Variants in PSD3 observed in about 807,000 individuals in gnomAD.
PSD3 encodes the protein pleckstrin and Sec7 domain containing 3.
PSD3 carries 49 observed loss-of-function variants against 105.5 expected under a neutral mutation model. The observed-to-expected ratio is 0.46, with a 90% CI of 0.37 to 0.59. The LOEUF is 0.59. Ranked by LOEUF, PSD3 falls within the 20% of genes least tolerant of loss-of-function variation. PSD3 has a pLI of 0.00. For synonymous variants in PSD3, 557 were observed against 457.8 expected (o/e 1.22, Z -2.77); for missense variants, 1,561 against 1,263.8 (o/e 1.24, Z -3.57).
intron 4 of PSD3, among the ~76,000 whole-genome samples, chr8:18,845,255 T>C (rs1164789387): frequency 6.6e-6 from 1 of 152,160 alleles, no homozygotes; most frequent in Non-Finnish European, 1.5e-5. Context: ...TGATCATAGA[T>C]ATGACTTTGA....
At chr8:18,712,960 G>A (rs1298161816) in intron 9 of PSD3, among the ~76,000 whole-genome samples, 1 of 152,150 alleles carries the variant, frequency 6.6e-6, no homozygotes, top group East Asian at 1.9e-4. Flanking sequence ...TTCATCCCTG[G>A]AATGCAAGGC....
At position 18,607,305 on chromosome 8, in the gene PSD3, A is replaced by C. The variant is rs1804909999; in HGVS notation, c.2411-6871T>G. ...GCAGAATAGTTATCTAATATTACTA[A>C]TAATTACAGAAGTAGTAATAGCACA... On this transcript the variant is annotated intron_variant, in intron 11 of 15. Transcript: ENST00000327040. Among the ~76,000 whole-genome samples the C allele has an allele frequency of 2.0e-5, 3 of 152,194 alleles. No individual in the cohort carries two copies. The South Asian group carries it at 6.2e-4, about 32-fold the overall frequency.
chr8:18,637,965 G>A (rs1487946648), intron 10 of PSD3, among the ~76,000 whole-genome samples: 3 of 152,088 alleles, frequency 2.0e-5, no homozygotes, highest in Admixed American at 1.3e-4. Flanking sequence ...AGACCAGTCT[G>A]GCCAAAATGG....
chr8:18,742,259 A>G (rs1804632310), intron 9 of PSD3, among the ~76,000 whole-genome samples: 1 of 152,174 alleles, frequency 6.6e-6, no homozygotes, highest in Non-Finnish European at 1.5e-5. Context: ...AAAAAGAAAA[A>G]AGAGAAAGAA....
At chr8:18,921,415 T>C (rs1247404599) in intron 2 of PSD3, among the ~76,000 whole-genome samples, 1 of 152,226 alleles carries the variant, frequency 6.6e-6, no homozygotes, top group Non-Finnish European at 1.5e-5. Flanking sequence ...GCTTGGGTCA[T>C]CCCTTGCCCA....
chr8:18,833,233 A>T (rs1813821047), intron 4 of PSD3, among the ~76,000 whole-genome samples: 1 of 152,228 alleles, frequency 6.6e-6, no homozygotes, highest in African/African-American at 2.4e-5. Context: ...TTTAAAAAGC[A>T]AGGGACATTC....
chr8:19,051,663 G>A (rs1171061926), intron 1 of PSD3, among the ~76,000 whole-genome samples: 4 of 152,164 alleles, frequency 2.6e-5, no homozygotes, highest in Non-Finnish European at 1.5e-5. Context: ...CCTGCAGAAC[G>A]ATTTGTCATT....
chr8:18,614,807 T>TG (rs879330849), intron 11 of PSD3, among the ~76,000 whole-genome samples: 1 of 95,068 alleles, frequency 1.1e-5, no homozygotes, highest in African/African-American at 3.8e-5. Flanking sequence ...TTTTTTTTTG[T>TG]TTTGTTTTCA....
At chr8:19,033,298 G>A (rs1391072966) in intron 1 of PSD3, among the ~76,000 whole-genome samples, 2 of 151,950 alleles carry the variant, frequency 1.3e-5, no homozygotes, top group African/African-American at 2.4e-5. Context: ...TGCACATACC[G>A]GACATACTAG....
chr8:18,913,450 A>C (rs1586406318), intron 2 of PSD3, among the ~76,000 whole-genome samples: 1 of 152,190 alleles, frequency 6.6e-6, no homozygotes, highest in East Asian at 1.9e-4. Context: ...CAATGGCCAA[A>C]GGCTTCAGAC....
chr8:18,802,876 T>C (rs2638648), intron 6 of PSD3, among the ~76,000 whole-genome samples: 133,225 of 152,248 alleles, frequency 0.88, 58,439 homozygotes, highest in Middle Eastern at 0.91. Context: ...ACACCTTCAT[T>C]TGAAAAGGTC....
intron 2 of PSD3, among the ~76,000 whole-genome samples, chr8:18,873,413 T>A (rs1453347211): frequency 6.6e-6 from 1 of 152,078 alleles, no homozygotes; most frequent in Non-Finnish European, 1.5e-5. Flanking sequence ...ATTTTCCCAA[T>A]TGACAAAAGT....
chr8:18,848,812 G>A (rs1387643067), intron 4 of PSD3, among the ~76,000 whole-genome samples: 1 of 152,162 alleles, frequency 6.6e-6, no homozygotes, highest in Admixed American at 6.5e-5. Flanking sequence ...TGGGGATTAT[G>A]GTCTAGGTTG....
At position 19,026,869 on chromosome 8, in the gene PSD3, G is replaced by GC. The variant is rs565879418; in HGVS notation, c.324+57336dup. ...GCCCTGGGCCACAGAGCAAGAGCCTGCCCCCCCACCCAAAAATATATATAT... is the reference window on the plus strand; with the variant it reads ...GCCCTGGGCCACAGAGCAAGAGCCTGCCCCCCCCACCCAAAAATATATATAT... On this transcript the variant is annotated intron_variant, in intron 1 of 1. Coordinates refer to the PSD3 transcript ENST00000521475. 4.5e-3 allele frequency among the ~76,000 whole-genome samples: 676 copies of GC among 151,594 alleles called. 3 individuals carry two copies. Among genetic ancestry groups the GC allele is most frequent in the Non-Finnish European group, 5.9e-3 (399 of 67,876 alleles).
chr8:18,814,036 A>G (rs1811988818), intron 4 of PSD3, among the ~76,000 whole-genome samples: 1 of 152,260 alleles, frequency 6.6e-6, no homozygotes, highest in African/African-American at 2.4e-5. Context: ...TACTTAGGAC[A>G]AACGTCTCAA....
Position 18,600,430 on chromosome 8 carries a change from T to G in PSD3, c.2415A>C (p.Pro805=). The change falls in exon 12 of 16, where the codon CCA becomes CCC. Residue 805 remains proline, a synonymous_variant. Coordinates refer to ENST00000327040, the MANE Select transcript of PSD3 (RefSeq NM_015310.4). The part of the protein sequence containing the change: ...IHADMDGKKT[P]RGKRGWKTFY... ...AGGTTTTCCATCCTCGTTTTCCTCT[T>G]GGAGCTAGAAAGGGGGAAAAAATGT... The G allele has an allele frequency of 2.5e-6, 4 of 1,602,426 alleles. No individual in the cohort carries two copies. The highest frequency in any genetic ancestry group is 3.4e-6 in the Non-Finnish European group (4 of 1,176,206).
chr8:18,639,908 C>T (rs550742800), intron 10 of PSD3, among the ~76,000 whole-genome samples: 1 of 152,282 alleles, frequency 6.6e-6, no homozygotes, highest in African/African-American at 2.4e-5. Context: ...CTTCCATAAA[C>T]TTCACTGTGA....
At chr8:18,611,728 A>C (rs1805280064) in intron 11 of PSD3, among the ~76,000 whole-genome samples, 2 of 151,918 alleles carry the variant, frequency 1.3e-5, no homozygotes, top group African/African-American at 4.8e-5. Context: ...AGTTGCTGGA[A>C]CTTTATTAGA....
At chr8:18,793,324 C>A (rs335256) in intron 8 of PSD3, among the ~76,000 whole-genome samples, 1 of 129,772 alleles carries the variant, frequency 7.7e-6, no homozygotes, top group African/African-American at 2.8e-5. Context: ...AGTATAATAA[C>A]AAAATAAAAT....
Sources: gnomAD v4.1 joint callset for allele counts (sites outside exome capture counted in the v4.1 genomes callset) on GRCh38, gnomAD v4.1.1 for gene constraint, MANE v1.5 for transcripts, NCBI Gene and HGNC (gene_info 2026-07-23, HGNC 2026-07-21) for gene names.